The following DNAAF4 variants were observed in gnomAD, a reference collection of about 807,000 sequenced individuals.
The protein encoded by DNAAF4 is dynein axonemal assembly factor 4, also known as dynein assembly factor 4, axonemal.
Under a neutral mutation model 51.8 loss-of-function variants are expected in DNAAF4, and 43 were observed. The ratio of observed to expected loss-of-function variants is 0.83; its 90% CI spans 0.65 to 1.07. The LOEUF is 1.07. DNAAF4 is among the 50% of genes least tolerant of loss of function. The pLI, the probability that DNAAF4 is intolerant of heterozygous loss-of-function variation, is 0.00. For missense variants in DNAAF4, 581 were observed against 493.0 expected, an observed-to-expected ratio of 1.18 and a Z score of -1.69; for synonymous variants, 194 against 165.6, an observed-to-expected ratio of 1.17 and a Z score of -1.32.
intron 6 of DNAAF4, 71 bp downstream of exon 6, chr15:55,450,151 A>C: frequency 6.9e-7 from 1 of 1,445,320 alleles, no homozygotes; most frequent in Non-Finnish European, 9.3e-7. Flanking sequence ...AACCAGTACT[A>C]ATTTCAATAG....
intron 7 of DNAAF4, chr15:55,418,340 C>T (rs1363738333): frequency 6.5e-7 from 1 of 1,540,926 alleles, no homozygotes; most frequent in African/African-American, 1.4e-5. Context: ...AAAGACACTC[C>T]AGACAGCCAC....
At chr15:55,429,171 G>A (rs376457503), downstream of DNAAF4, among the ~76,000 whole-genome samples, 34 of 151,612 alleles carry the variant, frequency 2.2e-4, no homozygotes, top group South Asian at 3.3e-3. Flanking sequence ...GCAGTGAGCC[G>A]AGATTGCACC....
At chr15:55,437,522 A>G (rs1244321748) in intron 7 of DNAAF4, among the ~76,000 whole-genome samples, 1 of 148,342 alleles carries the variant, frequency 6.7e-6, no homozygotes, top group Non-Finnish European at 1.5e-5. Flanking sequence ...CCAAAAAAAG[A>G]TGTCCATATT....
In DNAAF4 at chr15:55,498,203, T is replaced by C. The variant is rs530634443; in HGVS notation, c.123+4A>G. ...AGACCGGCAGGCAAGACTTGCATTC[T>C]TACCTTCAGATAGTTTTCCGTGCAG... On this transcript the variant is annotated splice_donor_region_variant and intron_variant, in intron 2 of 9. Coordinates refer to ENST00000321149, the MANE Select transcript of DNAAF4 (RefSeq NM_130810.4). The C allele has an allele frequency of 9.8e-5, 158 of 1,613,978 alleles. No homozygotes were observed. In the East Asian group the frequency reaches 3.4e-3, roughly 34 times the overall value.
intron 3 of DNAAF4, among the ~76,000 whole-genome samples, chr15:55,492,626 G>A (rs548083685): frequency 3.3e-5 from 5 of 151,530 alleles, no homozygotes; most frequent in Admixed American, 6.6e-5. Flanking sequence ...TGCAACCCCC[G>A]CCTCCTGGGT....
chr15:55,465,604 T>C (rs538684276), intron 5 of DNAAF4, among the ~76,000 whole-genome samples: 58 of 151,066 alleles, frequency 3.8e-4, no homozygotes, highest in Admixed American at 2.6e-3. Context: ...TTTGCTCTTG[T>C]TGCCCAGGCT....
At chr15:55,465,191 GGAGA>G (rs780503364) in intron 5 of DNAAF4, among the ~76,000 whole-genome samples, 12 of 152,286 alleles carry the variant, frequency 7.9e-5, no homozygotes, top group Non-Finnish European at 1.3e-4. Flanking sequence ...AAGACAGTGT[GGAGA>G]TAGATGCCTT....
intron 3 of DNAAF4, among the ~76,000 whole-genome samples, chr15:55,496,307 C>G (rs1361678011): frequency 6.6e-6 from 1 of 152,174 alleles, no homozygotes; most frequent in Non-Finnish European, 1.5e-5. Context: ...TTCAAAACTT[C>G]CAACACCTGA....
chr15:55,496,245 C>A (rs1332984798), intron 3 of DNAAF4, among the ~76,000 whole-genome samples: 2 of 152,018 alleles, frequency 1.3e-5, no homozygotes, highest in African/African-American at 4.8e-5. Context: ...AACAAACAAA[C>A]AACAACTGGG....
Position 55,439,488 on chromosome 15 carries a change from A to G in DNAAF4, c.877T>C (p.Leu293=). 1.2e-6 allele frequency: 2 copies of G among 1,613,652 alleles called. No individual in the cohort carries two copies. The highest frequency in any genetic ancestry group is 1.7e-6 in the Non-Finnish European group (2 of 1,179,728). ...ACAACTTACTTTCCTTTATCCTTCAACCATTCTGGGTTCTTTTCTTCTTCT... is the reference window on the plus strand; with the variant it reads ...ACAACTTACTTTCCTTTATCCTTCAGCCATTCTGGGTTCTTTTCTTCTTCT... ...LKEEEKNPEW[L]KDKGNKLFAT... Residue 293 remains leucine (L), a synonymous_variant, in exon 7 of 10, where the codon TTG becomes CTG. Transcript: ENST00000321149.
At chr15:55,482,609 G>T (rs1439077853) in intron 4 of DNAAF4, among the ~76,000 whole-genome samples, 3 of 152,124 alleles carry the variant, frequency 2.0e-5, no homozygotes, top group African/African-American at 7.2e-5. Context: ...AACCCAGGAA[G>T]GAGAGGTTGC....
At chr15:55,480,895 C>T (rs138899393) in intron 4 of DNAAF4, among the ~76,000 whole-genome samples, 2 of 152,238 alleles carry the variant, frequency 1.3e-5, no homozygotes, top group East Asian at 1.9e-4. Flanking sequence ...ATAATCCCCA[C>T]GTGTCAAGGG....
At chr15:55,450,420 C>T in intron 5 of DNAAF4, 53 bp from the exon 6 acceptor site, 1 of 1,565,296 alleles carries the variant, frequency 6.4e-7, no homozygotes, top group South Asian at 1.2e-5. Context: ...TTCTAGTTAA[C>T]AATCAACTGA....
intron 6 of DNAAF4, among the ~76,000 whole-genome samples, chr15:55,444,105 T>A (rs1464992962): frequency 2.0e-5 from 3 of 152,222 alleles, no homozygotes; most frequent in Admixed American, 6.5e-5. Context: ...GTTTTAGACA[T>A]GAAGTCCTTG....
At chr15:55,501,255 G>T (rs997263785) in intron 1 of DNAAF4, among the ~76,000 whole-genome samples, 3 of 151,684 alleles carry the variant, frequency 2.0e-5, no homozygotes, top group Non-Finnish European at 2.9e-5. Context: ...GTAGGGACGG[G>T]GTTTCACCGT....
intron 4 of DNAAF4, among the ~76,000 whole-genome samples, chr15:55,484,927 T>A (rs1221773211): frequency 6.6e-6 from 1 of 152,206 alleles, no homozygotes; most frequent in Non-Finnish European, 1.5e-5. Flanking sequence ...AGGGTGGGTC[T>A]GCCTTTCCCA....
At chr15:55,443,823 C>T (rs529855557) in intron 6 of DNAAF4, among the ~76,000 whole-genome samples, 42 of 152,228 alleles carry the variant, frequency 2.8e-4, no homozygotes, top group African/African-American at 9.4e-4. Flanking sequence ...TTTCATGTAT[C>T]TGTTGGCTGC....
At chr15:55,450,197 T>A (rs368748093) in intron 6 of DNAAF4, 25 bp downstream of exon 6, 9 of 1,561,536 alleles carry the variant, frequency 5.8e-6, no homozygotes, top group East Asian at 4.5e-5. Context: ...TTTGTGGTAA[T>A]TGTAACTAGA....
chr15:55,433,865 AT>A (rs1567000294), intron 8 of DNAAF4, among the ~76,000 whole-genome samples: 10 of 33,188 alleles, frequency 3.0e-4, no homozygotes, highest in African/African-American at 8.1e-4. Context: ...TATAATATAT[AT>A]TATATATATT....
Sources: gnomAD v4.1 joint callset for allele counts (sites outside exome capture counted in the v4.1 genomes callset) on GRCh38, gnomAD v4.1.1 for gene constraint, MANE v1.5 for transcripts, NCBI Gene and HGNC (gene_info 2026-07-23, HGNC 2026-07-21) for gene names.